The following SLIT2 variants were observed in gnomAD, a reference collection of about 807,000 sequenced individuals.
SLIT2 encodes the protein slit homolog 2 protein.
Under a neutral mutation model 185.7 loss-of-function variants are expected in SLIT2, and 41 were observed. The ratio of observed to expected loss-of-function variants is 0.22; its 90% CI spans 0.17 to 0.29. The LOEUF is 0.29. Among genes scored for constraint, SLIT2 ranks in the 10% least tolerant of loss-of-function variants. SLIT2 has a pLI of 1.00. For missense variants in SLIT2, 1,571 were observed against 1,909.0 expected, an observed-to-expected ratio of 0.82 and a Z score of 3.30; for synonymous variants, 693 against 680.2, an observed-to-expected ratio of 1.02 and a Z score of -0.29.
intron 4 of SLIT2, among the ~76,000 whole-genome samples, chr4:20,287,425 C>T (rs1182720873): frequency 6.6e-6 from 1 of 152,210 alleles, no homozygotes; most frequent in Non-Finnish European, 1.5e-5. Context: ...TGCTCCTTCA[C>T]TGCCTGACAA....
Position 20,372,407 on chromosome 4 carries a change from C to T in SLIT2, c.396-95345C>T, listed in dbSNP as rs959166512. Among the ~76,000 whole-genome samples, 4 of 151,578 alleles carry T rather than the reference C, an allele frequency of 2.6e-5. No homozygotes were observed. In the South Asian group the frequency reaches 8.3e-4, roughly 31 times the overall value. On this transcript the variant is annotated intron_variant, in intron 4 of 36. Transcript: ENST00000504154. ...AAAAAACTAAAGTGAGGAAAAGAAA[C>T]CCAAAGAGAAAAGGTAAAATACTGT...
chr4:20,526,789 G>A (rs768174126), intron 15 of SLIT2, among the ~76,000 whole-genome samples: 3 of 152,080 alleles, frequency 2.0e-5, no homozygotes, highest in Non-Finnish European at 4.4e-5. Context: ...GACTCAAAAG[G>A]ATCATTTGGG....
At chr4:20,556,749 A>AC (rs1162332824) in intron 26 of SLIT2, among the ~76,000 whole-genome samples, 33 of 125,292 alleles carry the variant, frequency 2.6e-4, no homozygotes, top group East Asian at 1.2e-3. Context: ...AACAACAACA[A>AC]AAATGTAGCA....
intron 4 of SLIT2, among the ~76,000 whole-genome samples, chr4:20,358,160 C>T (rs953040048): frequency 3.3e-5 from 5 of 152,060 alleles, no homozygotes; most frequent in African/African-American, 1.2e-4. Context: ...TCCTTCTGTA[C>T]TTCATAAGCC....
In SLIT2 at chr4:20,555,369, C is replaced by G. The variant is rs987744441; in HGVS notation, c.2725+1401C>G. On this transcript the variant is annotated intron_variant, in intron 26 of 36. Transcript: ENST00000504154. ...CTCTGAAGCCCAGCCTGGCTGGAGC[C>G]AAATTCCAGCTTCACTTTTTGGTAA... Among the ~76,000 whole-genome samples, 26 of 152,184 alleles carry G rather than the reference C, an allele frequency of 1.7e-4. No homozygotes were observed. The East Asian group carries it at 4.1e-3, about 24-fold the overall frequency.
At chr4:20,447,580 G>A (rs1278837073) in intron 4 of SLIT2, among the ~76,000 whole-genome samples, 1 of 152,194 alleles carries the variant, frequency 6.6e-6, no homozygotes, top group Non-Finnish European at 1.5e-5. Flanking sequence ...GGAGCAGGCT[G>A]TAGCCTGTGT....
chr4:20,449,684 C>T (rs187986634), intron 4 of SLIT2, among the ~76,000 whole-genome samples: 18 of 152,048 alleles, frequency 1.2e-4, no homozygotes, highest in Non-Finnish European at 2.1e-4. Context: ...TGGGATTACA[C>T]GCGTGAGCCA....
At chr4:20,522,777 C>T (rs984697695) in intron 12 of SLIT2, among the ~76,000 whole-genome samples, 2 of 152,118 alleles carry the variant, frequency 1.3e-5, no homozygotes, top group Admixed American at 6.6e-5. Flanking sequence ...CCATGTGACT[C>T]TCCAAGAGGG....
intron 4 of SLIT2, among the ~76,000 whole-genome samples, chr4:20,440,651 C>T (rs1729677070): frequency 1.3e-5 from 2 of 152,138 alleles, no homozygotes; most frequent in South Asian, 2.1e-4. Flanking sequence ...ACAAAATTAC[C>T]TCTGAATTTG....
At chr4:20,569,093 T>C in intron 29 of SLIT2, 89 bp downstream of exon 29, 1 of 1,125,570 alleles carries the variant, frequency 8.9e-7, no homozygotes, top group Non-Finnish European at 1.3e-6. Flanking sequence ...TAGTAAATCT[T>C]TTTTTATTTG....
At chr4:20,503,581 A>G (rs1009827049) in intron 9 of SLIT2, among the ~76,000 whole-genome samples, 5 of 152,086 alleles carry the variant, frequency 3.3e-5, no homozygotes, top group African/African-American at 4.8e-5. Flanking sequence ...CCCCGAGTCT[A>G]CACCATTTGG....
intron 4 of SLIT2, among the ~76,000 whole-genome samples, chr4:20,457,816 C>T (rs538021194): frequency 1.3e-5 from 2 of 152,234 alleles, no homozygotes; most frequent in East Asian, 3.9e-4. Flanking sequence ...AATGGAAGTG[C>T]AGAAAGTAAG....
At chr4:20,330,068 C>T (rs949725074) in intron 4 of SLIT2, among the ~76,000 whole-genome samples, 1 of 151,674 alleles carries the variant, frequency 6.6e-6, no homozygotes, top group African/African-American at 2.4e-5. Context: ...CCATGTAAAC[C>T]TTACACCATA....
At chr4:20,306,912 TA>T (rs987133139) in intron 4 of SLIT2, among the ~76,000 whole-genome samples, 11 of 152,142 alleles carry the variant, frequency 7.2e-5, no homozygotes, top group African/African-American at 2.2e-4. Context: ...TTTTCTATCT[TA>T]AAAAAATATA....
rs537147565 is a variant in SLIT2 at position 20,316,444 on chromosome 4, A to T, written c.395+47563A>T. ...ATAGGAGACAATTTAGATATGCTAC[A>T]CTATAAAAATGGCTACCATGGGTAT... On this transcript the variant is annotated intron_variant, in intron 4 of 36. Transcript: ENST00000504154. 1.5e-4 allele frequency among the ~76,000 whole-genome samples: 23 copies of T among 152,116 alleles called. No homozygotes were observed. The South Asian group carries it at 4.3e-3, about 29-fold the overall frequency.
At position 20,546,023 on chromosome 4, in the gene SLIT2, GT is replaced by G. The variant is rs1157590065; in HGVS notation, c.2277-3del. 7 of 1,501,186 alleles carry G rather than the reference GT, an allele frequency of 4.7e-6. No homozygotes were observed. The highest frequency in any genetic ancestry group is 1.8e-5 in the Admixed American group (1 of 56,984). The allele number at this position is 1,501,186 out of a possible 1,614,324, so 93.0% of individuals were successfully genotyped here. A position where few individuals can be genotyped will look rare whatever the true frequency, so the allele number is the denominator to read the frequency against. On this transcript the variant is annotated splice_polypyrimidine_tract_variant and splice_region_variant and intron_variant, in intron 21 of 36. Coordinates refer to ENST00000504154, the MANE Select transcript of SLIT2 (RefSeq NM_004787.4). ...TGTAAGAAGATAATATTGTTCCATT[GT>G]TTTTAGGTATCTGGATGGAAACCAA...
At chr4:20,449,107 T>C (rs1463005142) in intron 4 of SLIT2, among the ~76,000 whole-genome samples, 2 of 151,912 alleles carry the variant, frequency 1.3e-5, no homozygotes, top group Admixed American at 1.3e-4. Flanking sequence ...AATAAATAAT[T>C]ATACTACTAC....
chr4:20,595,964 AGGATAAATACTTGAGGGGAT>A, intron 31 of SLIT2, 130 bp downstream of exon 31: 4 of 779,202 alleles, frequency 5.1e-6, no homozygotes, highest in Non-Finnish European at 6.0e-6. Flanking sequence ...TTGTAACACA[AGGATAAATACTTGAGGGGAT>A]GGATACCCCA....
chr4:20,379,717 C>T (rs931047421), intron 4 of SLIT2, among the ~76,000 whole-genome samples: 1 of 152,032 alleles, frequency 6.6e-6, no homozygotes, highest in African/African-American at 2.4e-5. Flanking sequence ...ATATATGGAA[C>T]AATAGTTTCA....
Sources: gnomAD v4.1 joint callset for allele counts (sites outside exome capture counted in the v4.1 genomes callset) on GRCh38, gnomAD v4.1.1 for gene constraint, MANE v1.5 for transcripts, NCBI Gene and HGNC (gene_info 2026-07-23, HGNC 2026-07-21) for gene names.